The following AASDH variants were observed in gnomAD, a reference collection of about 807,000 sequenced individuals.
AASDH encodes the protein aminoadipate-semialdehyde dehydrogenase.
Under a neutral mutation model 102.3 loss-of-function variants are expected in AASDH, and 81 were observed. The observed-to-expected ratio is 0.79, with a 90% CI of 0.66 to 0.95. AASDH has a LOEUF of 0.95. AASDH is among the 40% of genes least tolerant of loss of function. The pLI is 0.00. For synonymous variants in AASDH, 398 were observed against 454.0 expected (o/e 0.88, Z 1.57); for missense variants, 1,203 against 1,266.2 (o/e 0.95, Z 0.76).
intron 13 of AASDH, 25 bp downstream of exon 13, chr4:56,343,537 T>G (rs755986024): frequency 9.1e-6 from 14 of 1,537,738 alleles, no homozygotes; most frequent in Non-Finnish European, 1.2e-5. Context: ...AGTAATAAAA[T>G]CAATATGTAT....
chr4:56,364,280 T>A (rs542336647), intron 5 of AASDH, among the ~76,000 whole-genome samples: 21 of 152,180 alleles, frequency 1.4e-4, no homozygotes, highest in Middle Eastern at 3.4e-3. Flanking sequence ...TGGAACCAAG[T>A]TGGAAAACAC....
intron 5 of AASDH, among the ~76,000 whole-genome samples, chr4:56,369,697 C>T (rs373940633): frequency 2.6e-5 from 4 of 152,054 alleles, no homozygotes; most frequent in African/African-American, 4.8e-5. Flanking sequence ...GAGTCCAAGG[C>T]GGGCAGATTG....
chr4:56,384,702 AT>A (rs56124735), intron 1 of AASDH, among the ~76,000 whole-genome samples: 12,912 of 151,916 alleles, frequency 0.085, 716 homozygotes, highest in East Asian at 0.25. Flanking sequence ...CCCACACTTA[AT>A]TTTTTTTTAC....
At chr4:56,355,579 A>AACATT (rs1169120293) in intron 5 of AASDH, among the ~76,000 whole-genome samples, 156 bp from the exon 6 acceptor site, 1 of 149,366 alleles carries the variant, frequency 6.7e-6, no homozygotes, top group Non-Finnish European at 1.5e-5. Context: ...CTACTGGTGC[A>AACATT]ACATTATCTT....
At position 56,349,376 on chromosome 4, in the gene AASDH, T is replaced by C; in HGVS notation, c.2375A>G (p.His792Arg). 4 of 1,613,678 alleles carry C rather than the reference T, an allele frequency of 2.5e-6. No individual in the cohort carries two copies. Among genetic ancestry groups the C allele is most frequent in the Non-Finnish European group, 3.4e-6 (4 of 1,179,568 alleles). The stretch of plus-strand genomic sequence containing the variant: ...GTAAAAGTCAACTGCCTTCATTCTA[T>C]GAGAATGGGAACCAATGTACACAGT... ...STTVYIGSHS[H>R]RMKAVDFYSG... is the part of the protein sequence containing the mutation. The change falls in exon 11 of 15, where the codon CAT becomes CGT. Residue 792 changes from histidine to arginine, a missense_variant. By Grantham distance (29) the His-to-Arg change is conservative. Transcript: ENST00000205214.
intron 5 of AASDH, among the ~76,000 whole-genome samples, chr4:56,369,416 T>A (rs1751431391): frequency 5.3e-5 from 8 of 152,172 alleles, no homozygotes; most frequent in Admixed American, 5.2e-4. Context: ...ATCCACAGAA[T>A]TCATGGAATG....
intron 4 of AASDH, among the ~76,000 whole-genome samples, chr4:56,376,055 G>C (rs186882639): frequency 2.5e-5 from 3 of 121,782 alleles, no homozygotes; most frequent in African/African-American, 9.6e-5. Flanking sequence ...ATTGAGTCTC[G>C]CTCTGTCACC....
chr4:56,344,383 T>C (rs1748078196), intron 12 of AASDH, among the ~76,000 whole-genome samples: 1 of 152,140 alleles, frequency 6.6e-6, no homozygotes, highest in African/African-American at 2.4e-5. Flanking sequence ...TTTCATTCCT[T>C]TGATTATTAA....
At position 56,371,555 on chromosome 4, in the gene AASDH, G is replaced by C. The variant is rs1411319543; in HGVS notation, c.757C>G (p.Leu253Val). The change falls in exon 5 of 15, where the codon CTA becomes GTA. Residue 253 changes from leucine (L) to valine (V), a missense_variant. Coordinates refer to ENST00000205214, the MANE Select transcript of AASDH (RefSeq NM_181806.4). Reference sequence around the variant, plus strand: ...ATAAGCAGAGAGGCACCACTTGATAGAGCAAGAAATATTTCCACAACAGAA... The same window carrying C: ...ATAAGCAGAGAGGCACCACTTGATACAGCAAGAAATATTTCCACAACAGAA... ...DPSVVEIFLA[L>V]SSGASLLIVP... The C allele has an allele frequency of 1.2e-6, 2 of 1,613,414 alleles. No individual in the cohort carries two copies. Among genetic ancestry groups the C allele is most frequent in the Non-Finnish European group, 1.7e-6 (2 of 1,179,900 alleles).
chr4:56,356,655 T>C (rs1413213680), intron 5 of AASDH: 1 of 687,390 alleles, frequency 1.5e-6, no homozygotes, highest in Admixed American at 2.0e-5. Flanking sequence ...CCCTGTGTCA[T>C]AAAATGGGGG....
At chr4:56,376,002 G>T (rs1752297904) in intron 4 of AASDH, among the ~76,000 whole-genome samples, 1 of 141,634 alleles carries the variant, frequency 7.1e-6, no homozygotes, top group Admixed American at 7.2e-5. Flanking sequence ...CCCACCCTCA[G>T]CCTCTAAACC....
intron 5 of AASDH, among the ~76,000 whole-genome samples, chr4:56,364,996 T>C (rs1244169046): frequency 2.0e-5 from 3 of 152,104 alleles, no homozygotes; most frequent in South Asian, 2.1e-4. Context: ...GAGACACACA[T>C]AGGCTCAAAA....
At chr4:56,341,389 CTTTTTTTTTTTTT>C (rs575687659) in intron 14 of AASDH, among the ~76,000 whole-genome samples, 2 of 92,418 alleles carry the variant, frequency 2.2e-5, no homozygotes, top group Non-Finnish European at 2.0e-5. Flanking sequence ...AGACTTTTAT[CTTTTTTTTTTTTT>C]TTTTTTTTGG....
chr4:56,364,052 C>T lies in AASDH; in HGVS notation c.861+7399G>A, dbSNP rs148883947. On this transcript the variant is annotated intron_variant, in intron 5 of 14. Transcript: ENST00000205214. Reference sequence around the variant, plus strand: ...AGGATCTGAGCTGAAAACCATGGCACGAGAACTACATGATGAATGCACAAG... The same window carrying T: ...AGGATCTGAGCTGAAAACCATGGCATGAGAACTACATGATGAATGCACAAG... 2.7e-3 allele frequency among the ~76,000 whole-genome samples: 408 copies of T among 152,158 alleles called. 3 individuals carry two copies. The highest frequency in any genetic ancestry group is 9.3e-3 in the African/African-American group (384 of 41,500).
At chr4:56,383,821 T>C (rs1753246552) in intron 2 of AASDH, among the ~76,000 whole-genome samples, 1 of 152,164 alleles carries the variant, frequency 6.6e-6, no homozygotes. Flanking sequence ...ATGAAGCCCT[T>C]ACATTTTGGA....
chr4:56,380,997 C>T (rs1316589425), intron 3 of AASDH, among the ~76,000 whole-genome samples: 2 of 152,196 alleles, frequency 1.3e-5, no homozygotes, highest in African/African-American at 4.8e-5. Context: ...AGAACACTTA[C>T]ACCATCATCA....
At chr4:56,384,400 C>A in intron 1 of AASDH, 59 bp from the exon 2 acceptor site, 2 of 813,774 alleles carry the variant, frequency 2.5e-6, no homozygotes. Context: ...GGTGGAGGGA[C>A]AGGGAAAAAC....
chr4:56,341,389 C>CTTTTTTGTTTTTTTT, intron 14 of AASDH, among the ~76,000 whole-genome samples: 1 of 92,416 alleles, frequency 1.1e-5, no homozygotes, highest in Non-Finnish European at 2.0e-5. Context: ...AGACTTTTAT[C>CTTTTTTGTTTTTTTT]TTTTTTTTTT....
At chr4:56,360,505 C>G (rs1021770861) in intron 5 of AASDH, among the ~76,000 whole-genome samples, 1 of 152,176 alleles carries the variant, frequency 6.6e-6, no homozygotes, top group Non-Finnish European at 1.5e-5. Flanking sequence ...AGACCCATAC[C>G]AGAATGCCAC....
Sources: allele counts gnomAD v4.1 joint callset (sites outside exome capture counted in the v4.1 genomes callset), GRCh38; gene constraint gnomAD v4.1.1; transcripts MANE v1.5; gene names NCBI Gene and HGNC (gene_info 2026-07-23, HGNC 2026-07-21).